ATP1B1: variants seen among roughly 807,000 people sequenced by gnomAD.
ATP1B1 encodes the protein ATPase Na+/K+ transporting subunit beta 1.
ATP1B1 carries 3 observed loss-of-function variants against 39.6 expected under a neutral mutation model. That is an observed-to-expected ratio of 0.08 (90% CI 0.03 to 0.20). The LOEUF (loss-of-function observed/expected upper bound fraction) is 0.20, where lower values mean the gene tolerates loss of function less well. Among genes scored for constraint, ATP1B1 ranks in the 10% least tolerant of loss-of-function variants. ATP1B1 has a pLI of 1.00. For missense variants in ATP1B1, 216 were observed against 371.1 expected, an observed-to-expected ratio of 0.58 and a Z score of 3.43; for synonymous variants, 139 against 135.0, an observed-to-expected ratio of 1.03 and a Z score of -0.20.
rs574108307 is a variant in ATP1B1 at position 169,107,040 on chromosome 1, G to T, written c.97+114G>T. 1,522 of 1,030,344 alleles carry T rather than the reference G, an allele frequency of 1.5e-3. 7 individuals carry two copies. The highest frequency in any genetic ancestry group is 1.9e-3 in the Middle Eastern group (6 of 3,190). 63.8% of individuals were successfully genotyped at this position (1,030,344 alleles called of 1,614,324 possible). ...ACCCACCGCGCTGGCCGGGGTGGCG[G>T]GGGCGAGGGTGGTGGACGCTGCTGG... On this transcript the variant is annotated intron_variant, in intron 1 of 5. Coordinates refer to ENST00000367815, the MANE Select transcript of ATP1B1 (RefSeq NM_001677.4).
At chr1:169,111,258 A>T in intron 1 of ATP1B1, 112 bp from the exon 2 acceptor site, 1 of 1,446,358 alleles carries the variant, frequency 6.9e-7, no homozygotes, top group Non-Finnish European at 9.4e-7. Context: ...ACAAGGAAGA[A>T]ATCATGGGAC....
chr1:169,108,973 T>C (rs960237298), intron 1 of ATP1B1, among the ~76,000 whole-genome samples: 3 of 152,224 alleles, frequency 2.0e-5, no homozygotes, highest in Admixed American at 6.5e-5. Flanking sequence ...AAATGCCCCT[T>C]TTCCAGCACT....
Position 169,107,026 on chromosome 1 carries a change from T to C in ATP1B1, c.97+100T>C, listed in dbSNP as rs554366516. On this transcript the variant is annotated intron_variant, in intron 1 of 5. Coordinates refer to ENST00000367815, the MANE Select transcript of ATP1B1 (RefSeq NM_001677.4). ...GCGGCCGGTTCCGCACCCACCGCGC[T>C]GGCCGGGGTGGCGGGGGCGAGGGTG... 10 of 1,149,946 alleles carry C rather than the reference T, an allele frequency of 8.7e-6. No homozygotes were observed. In the South Asian group the frequency reaches 1.0e-4, roughly 12 times the overall value. The allele number at this position is 1,149,946 out of a possible 1,614,324, so 71.2% of individuals were successfully genotyped here.
Position 169,131,305 on chromosome 1 carries a change from A to C in ATP1B1, c.662A>C (p.Lys221Thr), listed in dbSNP as rs754647648. The C allele has an allele frequency of 6.2e-7, 1 of 1,612,888 alleles. No individual in the cohort carries two copies. Among genetic ancestry groups the C allele is most frequent in the Non-Finnish European group, 8.5e-7 (1 of 1,179,330 alleles). ...VQCTGKRDEDKDKVGNVEYFG... is the reference protein window; with the variant it reads ...VQCTGKRDEDTDKVGNVEYFG... ...TCTGGATTTCAGCGAGATGAAGATAAGGATAAAGTTGGAAATGTGGAGTAT... is the reference window on the plus strand; with the variant it reads ...TCTGGATTTCAGCGAGATGAAGATACGGATAAAGTTGGAAATGTGGAGTAT... Residue 221 changes from lysine to threonine, a missense_variant, in exon 6 of 6, where the codon AAG (lysine) becomes ACG (threonine). By Grantham distance (78) the Lys-to-Thr change is moderately conservative. Coordinates refer to ENST00000367815, the MANE Select transcript of ATP1B1 (RefSeq NM_001677.4). The surrounding 1 kb of genome is among the most constrained non-coding windows in gnomAD (Gnocchi z 4.4).
At chr1:169,121,840 G>T (rs548783048) in intron 2 of ATP1B1, among the ~76,000 whole-genome samples, 1 of 151,996 alleles carries the variant, frequency 6.6e-6, no homozygotes, top group African/African-American at 2.4e-5. Flanking sequence ...GCTGCATCCC[G>T]CCCTCTGCTG....
intron 1 of ATP1B1, among the ~76,000 whole-genome samples, chr1:169,108,385 A>AATGAACAGC: frequency 6.6e-6 from 1 of 152,260 alleles, no homozygotes; most frequent in Middle Eastern, 3.4e-3. Context: ...GTGTGTGTAG[A>AATGAACAGC]ATGAACAGCT....
chr1:169,108,407 C>T (rs1002708897), intron 1 of ATP1B1, among the ~76,000 whole-genome samples: 4 of 152,080 alleles, frequency 2.6e-5, no homozygotes, highest in Admixed American at 6.5e-5. Flanking sequence ...CCTGGCAACT[C>T]CTTGTAACTT....
At chr1:169,115,742 T>C (rs889363458) in intron 2 of ATP1B1, among the ~76,000 whole-genome samples, 1 of 152,256 alleles carries the variant, frequency 6.6e-6, no homozygotes, top group African/African-American at 2.4e-5. Context: ...CTTTGCACAC[T>C]TAGATTTTCA....
chr1:169,119,897 A>G (rs1325179496), intron 2 of ATP1B1, among the ~76,000 whole-genome samples: 1 of 151,892 alleles, frequency 6.6e-6, no homozygotes, highest in African/African-American at 2.4e-5. Context: ...TCCTAAAGTA[A>G]ATGATTTAAA....
chr1:169,121,034 G>A (rs1278189741), intron 2 of ATP1B1, among the ~76,000 whole-genome samples: 1 of 145,226 alleles, frequency 6.9e-6, no homozygotes, highest in Admixed American at 7.2e-5. Context: ...TGCAACCTCT[G>A]CCTCTTGGGC....
At position 169,131,035 on chromosome 1, in the gene ATP1B1, C is replaced by T. The variant is rs1658208760; in HGVS notation, c.649-257C>T. ...TGGGCCAACAGCAAGGTGTTTCTGC[C>T]TTTCAATGTTGGCCTTGTTTCTAGG... On this transcript the variant is annotated intron_variant, in intron 5 of 5. Coordinates refer to ENST00000367815, the MANE Select transcript of ATP1B1 (RefSeq NM_001677.4). The surrounding 1 kb of genome is among the most constrained non-coding windows in gnomAD (Gnocchi z 4.4). 6.6e-6 allele frequency among the ~76,000 whole-genome samples: 1 copy of T among 152,154 alleles called. No homozygotes were observed. Among genetic ancestry groups the T allele is most frequent in the African/African-American group, 2.4e-5 (1 of 41,430 alleles).
chr1:169,123,922 C>T (rs557987860), intron 2 of ATP1B1, among the ~76,000 whole-genome samples: 4 of 152,286 alleles, frequency 2.6e-5, no homozygotes, highest in South Asian at 2.1e-4. Context: ...CCACCATGCC[C>T]GGCCTCAGAT....
chr1:169,120,326 G>A (rs1180938888), intron 2 of ATP1B1, among the ~76,000 whole-genome samples: 4 of 152,130 alleles, frequency 2.6e-5, no homozygotes, highest in Admixed American at 6.5e-5. Flanking sequence ...AATGACGTTT[G>A]GATCAAAAGC....
chr1:169,106,696 A>G lies in ATP1B1; in HGVS notation c.-134A>G. On this transcript the variant is annotated 5_prime_UTR_variant, in exon 1 of 6. Coordinates refer to ENST00000367815, the MANE Select transcript of ATP1B1 (RefSeq NM_001677.4). ...CCTCCGCCGCGCGTCTCGCACTCCGAGAGCCGCAGCGGCAGCGGCGCGTCC... is the reference window on the plus strand; with the variant it reads ...CCTCCGCCGCGCGTCTCGCACTCCGGGAGCCGCAGCGGCAGCGGCGCGTCC... The G allele has an allele frequency of 1.8e-6, 1 of 558,514 alleles. No homozygotes were observed. Among genetic ancestry groups the G allele is most frequent in the Non-Finnish European group, 2.8e-6 (1 of 356,174 alleles). The allele number at this position is 558,514 out of a possible 1,614,324, so 34.6% of individuals were successfully genotyped here.
chr1:169,113,804 C>T (rs1442412500), intron 2 of ATP1B1, among the ~76,000 whole-genome samples: 1 of 152,194 alleles, frequency 6.6e-6, no homozygotes, highest in Non-Finnish European at 1.5e-5. Flanking sequence ...AAATGCATTC[C>T]TGTCCTGTGG....
At chr1:169,122,817 C>T (rs1658009332) in intron 2 of ATP1B1, among the ~76,000 whole-genome samples, 1 of 139,442 alleles carries the variant, frequency 7.2e-6, no homozygotes. Flanking sequence ...TCTTGAACTC[C>T]TGGGCTCAAG....
At chr1:169,124,792 T>G in intron 2 of ATP1B1, 92 bp from the exon 3 acceptor site, 1 of 1,434,728 alleles carries the variant, frequency 7.0e-7, no homozygotes, top group South Asian at 1.3e-5. Flanking sequence ...CCAAGTGGAG[T>G]TAGCAAAGTA....
intron 1 of ATP1B1, chr1:169,108,137 A>G (rs1657643771): frequency 6.6e-6 from 1 of 152,328 alleles, no homozygotes; most frequent in African/African-American, 2.4e-5. Context: ...TGAAAATTAA[A>G]GGGTTAATAA....
chr1:169,115,899 G>A (rs1054298402), intron 2 of ATP1B1, among the ~76,000 whole-genome samples: 3 of 152,168 alleles, frequency 2.0e-5, no homozygotes, highest in African/African-American at 7.2e-5. Flanking sequence ...TTGGGTTAGC[G>A]CCTGCCAAGC....
Sources: allele counts gnomAD v4.1 joint callset (sites outside exome capture counted in the v4.1 genomes callset), GRCh38; gene constraint gnomAD v4.1.1; non-coding constraint Gnocchi (gnomAD v3.1); transcripts MANE v1.5; gene names NCBI Gene and HGNC (gene_info 2026-07-23, HGNC 2026-07-21).